STAC: variants seen among roughly 807,000 people sequenced by gnomAD.
STAC encodes the protein SH3 and cysteine rich domain.
A neutral mutation model predicts 48.8 loss-of-function variants in STAC; 43 were observed. That is an observed-to-expected ratio of 0.88 (90% CI 0.69 to 1.14). The LOEUF is 1.14. Among genes scored for constraint, STAC ranks in the 50% most tolerant of loss-of-function variants. STAC has a pLI of 0.00. For missense variants in STAC, 497 were observed against 504.0 expected, an observed-to-expected ratio of 0.99 and a Z score of 0.13; for synonymous variants, 193 against 179.5, an observed-to-expected ratio of 1.07 and a Z score of -0.60.
intron 1 of STAC, among the ~76,000 whole-genome samples, chr3:36,399,912 C>G (rs1699966436): frequency 6.6e-6 from 1 of 152,122 alleles, no homozygotes; most frequent in Non-Finnish European, 1.5e-5. Flanking sequence ...TTAGGCAGCC[C>G]CAGGCAAAAT....
intron 2 of STAC, among the ~76,000 whole-genome samples, chr3:36,465,110 T>C (rs1249198538): frequency 1.3e-5 from 2 of 152,204 alleles, no homozygotes; most frequent in African/African-American, 4.8e-5. Context: ...TTTCACTACA[T>C]CCATACCAAC....
At chr3:36,398,452 GA>G (rs1699918895) in intron 1 of STAC, among the ~76,000 whole-genome samples, 4 of 125,466 alleles carry the variant, frequency 3.2e-5, no homozygotes, top group Middle Eastern at 3.9e-3. Flanking sequence ...AGGAAGGAAG[GA>G]AGGAAGGAAG....
intron 2 of STAC, among the ~76,000 whole-genome samples, chr3:36,454,016 A>T (rs546455137): frequency 5.3e-4 from 80 of 152,256 alleles, no homozygotes; most frequent in Admixed American, 1.6e-3. Flanking sequence ...TGTCTAGCTC[A>T]GGGATTGTAA....
At chr3:36,510,511 T>A (rs933812882) in intron 8 of STAC, among the ~76,000 whole-genome samples, 14 of 152,208 alleles carry the variant, frequency 9.2e-5, no homozygotes, top group Non-Finnish European at 1.3e-4. Flanking sequence ...TGTACACGTA[T>A]GTTTATTGTG....
At chr3:36,540,004 C>T (rs945012627) in intron 10 of STAC, among the ~76,000 whole-genome samples, 1 of 152,014 alleles carries the variant, frequency 6.6e-6, no homozygotes, top group South Asian at 2.1e-4. Flanking sequence ...CAGGGTGAGC[C>T]CAGTGTAATC....
chr3:36,393,395 G>A (rs1177143509), intron 1 of STAC, among the ~76,000 whole-genome samples: 4 of 151,954 alleles, frequency 2.6e-5, no homozygotes, highest in Admixed American at 6.6e-5. Flanking sequence ...AGAGAACACA[G>A]ATGATAAACA....
chr3:36,546,431 T>C lies in STAC; in HGVS notation c.*142T>C, dbSNP rs939522166. On this transcript the variant is annotated 3_prime_UTR_variant, in exon 11 of 11. Coordinates refer to ENST00000273183, the MANE Select transcript of STAC (RefSeq NM_003149.3). ...GAGACAAGAATCAAGTATCTGAGAC[T>C]GTGGAGTAATAGCCACAAAACAGAG... 20 of 693,150 alleles carry C rather than the reference T, an allele frequency of 2.9e-5. No homozygotes were observed. The highest frequency in any genetic ancestry group is 4.7e-5 in the Non-Finnish European group (19 of 405,596). 42.9% of individuals were successfully genotyped at this position (693,150 alleles called of 1,614,324 possible).
chr3:36,469,572 T>G (rs570292440), intron 2 of STAC, among the ~76,000 whole-genome samples: 1 of 152,322 alleles, frequency 6.6e-6, no homozygotes, highest in Non-Finnish European at 1.5e-5. Flanking sequence ...TGATCTTTTG[T>G]GATGAATTTC....
intron 8 of STAC, among the ~76,000 whole-genome samples, chr3:36,513,519 T>A (rs1698593541): frequency 6.6e-6 from 1 of 152,198 alleles, no homozygotes; most frequent in East Asian, 1.9e-4. Context: ...TCCCTTCCTA[T>A]CTACTATGGG....
chr3:36,511,789 G>T (rs1260890905), intron 8 of STAC, among the ~76,000 whole-genome samples: 2 of 152,128 alleles, frequency 1.3e-5, no homozygotes, highest in Admixed American at 1.3e-4. Context: ...CACCACCTCA[G>T]TGAAATTACC....
chr3:36,431,419 T>C (rs1423796327), intron 1 of STAC, among the ~76,000 whole-genome samples: 1 of 152,196 alleles, frequency 6.6e-6, no homozygotes, highest in Admixed American at 6.5e-5. Context: ...ATCAGACAGC[T>C]TGGCATGACT....
intron 10 of STAC, among the ~76,000 whole-genome samples, chr3:36,540,788 T>C (rs1699306409): frequency 6.6e-6 from 1 of 152,140 alleles, no homozygotes; most frequent in Non-Finnish European, 1.5e-5. Context: ...TTTGGCCTTA[T>C]AAAACCCAGA....
rs747556825 is a variant in STAC at position 36,380,736 on chromosome 3, C to A, written c.93C>A (p.Thr31=). Residue 31 remains threonine (T), a synonymous_variant, in exon 1 of 11, where the codon ACC becomes ACA. Transcript: ENST00000273183. The stretch of plus-strand genomic sequence containing the variant: ...AGCAACCGCCCTCTCCTGCATCCAC[C>A]AGCAGCCAGGAATCCAAGGTACCGA... ...GAEQPPSPAS[T]SSQESKLQKL... 45 of 1,611,464 alleles carry A rather than the reference C, an allele frequency of 2.8e-5. 1 individual carries two copies. Among genetic ancestry groups the A allele is most frequent in the Non-Finnish European group, 3.6e-5 (43 of 1,178,694 alleles).
chr3:36,444,912 C>T (rs1303421040), intron 2 of STAC, among the ~76,000 whole-genome samples: 2 of 152,188 alleles, frequency 1.3e-5, no homozygotes, highest in Non-Finnish European at 2.9e-5. Context: ...TGGAGGGTCT[C>T]ATCACGTCTC....
At chr3:36,535,772 A>C (rs1191257245) in intron 10 of STAC, among the ~76,000 whole-genome samples, 1 of 152,190 alleles carries the variant, frequency 6.6e-6, no homozygotes, top group Non-Finnish European at 1.5e-5. Flanking sequence ...AATTACATGT[A>C]TTGATTTGCA....
intron 2 of STAC, among the ~76,000 whole-genome samples, chr3:36,463,172 T>C (rs1697066406): frequency 6.6e-6 from 1 of 151,956 alleles, no homozygotes; most frequent in Non-Finnish European, 1.5e-5. Flanking sequence ...CTTATAAAAT[T>C]AATTAAGAAG....
intron 8 of STAC, among the ~76,000 whole-genome samples, chr3:36,508,097 C>T (rs975922188): frequency 6.6e-6 from 1 of 152,302 alleles, no homozygotes; most frequent in Non-Finnish European, 1.5e-5. Flanking sequence ...TTAACTGTGT[C>T]ACAGAGATTC....
At chr3:36,544,709 T>C (rs1405946177) in intron 10 of STAC, among the ~76,000 whole-genome samples, 3 of 152,176 alleles carry the variant, frequency 2.0e-5, no homozygotes, top group African/African-American at 4.8e-5. Flanking sequence ...TGAAAAAAGT[T>C]GTAGGTCTCA....
At chr3:36,473,710 C>T (rs1003995279) in intron 2 of STAC, among the ~76,000 whole-genome samples, 2 of 152,128 alleles carry the variant, frequency 1.3e-5, no homozygotes, top group African/African-American at 4.8e-5. Context: ...CATATGAACA[C>T]CCAAATATAA....
Sources: allele counts gnomAD v4.1 joint callset (sites outside exome capture counted in the v4.1 genomes callset), GRCh38; gene constraint gnomAD v4.1.1; transcripts MANE v1.5; gene names NCBI Gene and HGNC (gene_info 2026-07-23, HGNC 2026-07-21).